DLG2: variants seen among roughly 807,000 people sequenced by gnomAD.
DLG2 encodes discs large MAGUK scaffold protein 2.
DLG2 carries 45 observed loss-of-function variants against 132.5 expected under a neutral mutation model. That is an observed-to-expected ratio of 0.34 (90% CI 0.27 to 0.44). DLG2 has a LOEUF of 0.44. Among genes scored for constraint, DLG2 ranks in the 20% least tolerant of loss-of-function variants. DLG2 has a pLI of 1.00. For synonymous variants in DLG2, 424 were observed against 419.6 expected (o/e 1.01, Z -0.13); for missense variants, 1,045 against 1,196.9 (o/e 0.87, Z 1.87).
At chr11:85,489,979 G>T (rs1299844451) in intron 3 of DLG2, among the ~76,000 whole-genome samples, 2 of 152,060 alleles carry the variant, frequency 1.3e-5, no homozygotes, top group Non-Finnish European at 2.9e-5. Context: ...TTTGAAGTCA[G>T]GAGTTCAAGA....
At chr11:83,599,581 T>G (rs2058186359) in intron 19 of DLG2, among the ~76,000 whole-genome samples, 1 of 152,208 alleles carries the variant, frequency 6.6e-6, no homozygotes, top group Non-Finnish European at 1.5e-5. Context: ...CCCCTTTCTT[T>G]GTGACACCAT....
intron 6 of DLG2, among the ~76,000 whole-genome samples, chr11:84,920,120 G>C (rs914354590): frequency 6.6e-6 from 1 of 152,108 alleles, no homozygotes; most frequent in Non-Finnish European, 1.5e-5. Context: ...AAAATAGGTA[G>C]CAAAGTAAAA....
intron 7 of DLG2, among the ~76,000 whole-genome samples, chr11:84,494,076 TGCTCAAA>T (rs1341422183): frequency 1.3e-5 from 2 of 152,184 alleles, no homozygotes; most frequent in African/African-American, 4.8e-5. Flanking sequence ...AAGACTTATA[TGCTCAAA>T]ATTATCTGCC....
At chr11:85,017,501 T>C (rs2059672525) in intron 6 of DLG2, among the ~76,000 whole-genome samples, 1 of 152,196 alleles carries the variant, frequency 6.6e-6, no homozygotes, top group African/African-American at 2.4e-5. Flanking sequence ...GACTCATCTT[T>C]AGGCACACTC....
chr11:83,855,606 C>G (rs1261958698), intron 16 of DLG2, among the ~76,000 whole-genome samples: 1 of 152,118 alleles, frequency 6.6e-6, no homozygotes, highest in East Asian at 1.9e-4. Context: ...CTATCTGATA[C>G]TCTGGAAAAA....
intron 6 of DLG2, among the ~76,000 whole-genome samples, chr11:84,984,950 T>A (rs2056285981): frequency 1.3e-5 from 2 of 152,246 alleles, no homozygotes; most frequent in South Asian, 2.1e-4. Flanking sequence ...CTCCTAAATA[T>A]ATGCAGCTAA....
At position 84,466,628 on chromosome 11, in the gene DLG2, C is replaced by T. The variant is rs553968760; in HGVS notation, c.519+67942G>A. On this transcript the variant is annotated intron_variant, in intron 7 of 27. Coordinates refer to ENST00000376104, the MANE Select transcript of DLG2 (RefSeq NM_001142699.3). ...TGGTAAAAATTCTAATTTGATAACA[C>T]GCTCTGTTGGCAAGAAGCAGCAGGA... Among the ~76,000 whole-genome samples the T allele has an allele frequency of 2.6e-5, 4 of 151,462 alleles. No homozygotes were observed. In the East Asian group the frequency reaches 7.8e-4, roughly 30 times the overall value.
intron 4 of DLG2, among the ~76,000 whole-genome samples, chr11:85,235,422 T>A (rs939934515): frequency 6.6e-6 from 1 of 152,026 alleles, no homozygotes; most frequent in African/African-American, 2.4e-5. Flanking sequence ...TATTCACGCA[T>A]TTCCTCATTC....
chr11:84,461,928 G>A (rs2099081372), intron 7 of DLG2, among the ~76,000 whole-genome samples: 1 of 150,630 alleles, frequency 6.6e-6, no homozygotes, highest in Non-Finnish European at 1.5e-5. Context: ...AAATGAATGG[G>A]TGAATGAGTC....
At chr11:84,813,021 T>C (rs2076728701) in intron 6 of DLG2, among the ~76,000 whole-genome samples, 1 of 152,086 alleles carries the variant, frequency 6.6e-6, no homozygotes, top group Non-Finnish European at 1.5e-5. Context: ...GTTACATCAA[T>C]CTCATTCTTG....
At chr11:84,663,519 T>C (rs1039583965) in intron 6 of DLG2, among the ~76,000 whole-genome samples, 2 of 152,100 alleles carry the variant, frequency 1.3e-5, no homozygotes, top group Non-Finnish European at 2.9e-5. Flanking sequence ...ACAGCAAATA[T>C]TTGTTGAAAA....
chr11:84,123,085 G>GA (rs34396751), intron 9 of DLG2, among the ~76,000 whole-genome samples: 3 of 152,170 alleles, frequency 2.0e-5, no homozygotes, highest in South Asian at 2.1e-4. Flanking sequence ...CTTTCTTTAT[G>GA]AAAAAAAGTG....
intron 9 of DLG2, among the ~76,000 whole-genome samples, chr11:84,137,701 G>A (rs1200166355): frequency 6.6e-6 from 1 of 152,014 alleles, no homozygotes; most frequent in African/African-American, 2.4e-5. Context: ...TCTGCATGTG[G>A]CTATAAATTG....
At chr11:85,167,816 G>A (rs745953616) in intron 4 of DLG2, among the ~76,000 whole-genome samples, 2 of 152,018 alleles carry the variant, frequency 1.3e-5, no homozygotes, top group South Asian at 2.1e-4. Flanking sequence ...CTTAGCCATG[G>A]ACCTAGCAAT....
intron 6 of DLG2, among the ~76,000 whole-genome samples, chr11:85,083,017 G>A (rs2067447379): frequency 6.6e-6 from 1 of 151,980 alleles, no homozygotes; most frequent in African/African-American, 2.4e-5. Context: ...AAGGAATGGG[G>A]CCCAGACTCA....
intron 3 of DLG2, among the ~76,000 whole-genome samples, chr11:85,576,841 G>A (rs1381086140): frequency 1.3e-5 from 2 of 152,100 alleles, no homozygotes; most frequent in Non-Finnish European, 2.9e-5. Context: ...AAGAGTAACG[G>A]GAGAAGGGTG....
intron 6 of DLG2, among the ~76,000 whole-genome samples, chr11:84,836,278 T>C (rs1038990391): frequency 6.6e-6 from 1 of 151,784 alleles, no homozygotes; most frequent in Non-Finnish European, 1.5e-5. Context: ...CACTGAATGG[T>C]TCATATTAGA....
At chr11:83,777,982 G>A (rs1452945510) in intron 18 of DLG2, among the ~76,000 whole-genome samples, 2 of 152,122 alleles carry the variant, frequency 1.3e-5, no homozygotes, top group Non-Finnish European at 1.5e-5. Flanking sequence ...TGACTTAGGC[G>A]TGCTCAATAA....
At chr11:83,771,142 C>A (rs1043474611) in intron 18 of DLG2, among the ~76,000 whole-genome samples, 3 of 152,106 alleles carry the variant, frequency 2.0e-5, no homozygotes, top group African/African-American at 7.2e-5. Flanking sequence ...AGACACACTA[C>A]TTTCATTATT....
Sources: gnomAD v4.1 joint callset for allele counts (sites outside exome capture counted in the v4.1 genomes callset) on GRCh38, gnomAD v4.1.1 for gene constraint, MANE v1.5 for transcripts, NCBI Gene and HGNC (gene_info 2026-07-23, HGNC 2026-07-21) for gene names.